Variants in CMIP observed in about 807,000 individuals in gnomAD.
CMIP encodes c-Maf inducing protein.
In CMIP, 13 loss-of-function variants were observed where a neutral mutation model predicts 97.3. The observed-to-expected ratio is 0.13, with a 90% CI of 0.09 to 0.21. CMIP has a LOEUF of 0.21. Among genes scored for constraint, CMIP ranks in the 10% least tolerant of loss-of-function variants. CMIP has a pLI of 1.00. For missense variants in CMIP, 847 were observed against 1,024.9 expected (o/e 0.83, Z 2.37); for synonymous variants, 538 against 436.3 (o/e 1.23, Z -2.91).
chr16:81,591,950 G>T lies in CMIP; in HGVS notation c.301-15617G>T, dbSNP rs571519901. Among the ~76,000 whole-genome samples the T allele has an allele frequency of 4.3e-3, 654 of 151,230 alleles. 3 individuals carry two copies. The highest frequency in any genetic ancestry group is 0.027 in the Middle Eastern group (8 of 292). ...AGTATCCTCCTGCCTCAGCCTCCCA[G>T]GTAGCTGGGATTACAGGCGCCTGCC... On this transcript the variant is annotated intron_variant, in intron 1 of 20. Coordinates refer to ENST00000537098, the MANE Select transcript of CMIP (RefSeq NM_198390.3).
chr16:81,465,544 C>A (rs1485787368), intron 1 of CMIP, among the ~76,000 whole-genome samples: 1 of 152,228 alleles, frequency 6.6e-6, no homozygotes, highest in East Asian at 1.9e-4. Flanking sequence ...GGCTGCCTCG[C>A]ACAATGCCTG....
At chr16:81,572,868 C>G (rs2091118967) in intron 1 of CMIP, among the ~76,000 whole-genome samples, 1 of 152,204 alleles carries the variant, frequency 6.6e-6, no homozygotes, top group Non-Finnish European at 1.5e-5. Context: ...GCACCAGCAT[C>G]AGTCCTGCCT....
At chr16:81,588,275 C>T (rs1175228391) in intron 1 of CMIP, among the ~76,000 whole-genome samples, 1 of 152,184 alleles carries the variant, frequency 6.6e-6, no homozygotes, top group Admixed American at 6.5e-5. Context: ...AAAAAGTACC[C>T]AAGTCTGTCT....
intron 1 of CMIP, among the ~76,000 whole-genome samples, chr16:81,485,029 C>G (rs539957769): frequency 2.6e-5 from 4 of 152,180 alleles, no homozygotes; most frequent in African/African-American, 9.6e-5. Flanking sequence ...ATTGGAATTA[C>G]TTGAGGAGCT....
At chr16:81,471,509 T>C (rs892542827) in intron 1 of CMIP, among the ~76,000 whole-genome samples, 1 of 152,074 alleles carries the variant, frequency 6.6e-6, no homozygotes, top group Non-Finnish European at 1.5e-5. Context: ...CATATACACA[T>C]GTGCAGACAT....
At chr16:81,545,106 C>T (rs1169017706) in intron 1 of CMIP, among the ~76,000 whole-genome samples, 3 of 152,172 alleles carry the variant, frequency 2.0e-5, no homozygotes, top group African/African-American at 7.2e-5. Flanking sequence ...GCCAGGCCCA[C>T]AGCCAGGGTT....
chr16:81,527,471 C>G (rs996907665), intron 1 of CMIP, among the ~76,000 whole-genome samples: 1 of 152,108 alleles, frequency 6.6e-6, no homozygotes, highest in Admixed American at 6.5e-5. Context: ...TGAAGTATTA[C>G]TTACTTTCAA....
intron 1 of CMIP, among the ~76,000 whole-genome samples, chr16:81,475,653 C>G (rs574818062): frequency 6.6e-6 from 1 of 152,316 alleles, no homozygotes; most frequent in Non-Finnish European, 1.5e-5. Context: ...CAGAGGGGTG[C>G]TCTCCTGAGC....
chr16:81,492,054 A>G (rs1567542023), intron 1 of CMIP, among the ~76,000 whole-genome samples: 1 of 152,166 alleles, frequency 6.6e-6, no homozygotes. Context: ...GCCACAGTGA[A>G]TATCTGCGTG....
chr16:81,501,240 G>A (rs759891120), intron 1 of CMIP, among the ~76,000 whole-genome samples: 2 of 152,224 alleles, frequency 1.3e-5, no homozygotes, highest in African/African-American at 2.4e-5. Context: ...TTCTGAGATC[G>A]AGTAATTTGG....
chr16:81,620,602 CAAGTCAGCAGTGTCTG>C (rs1295661404), intron 2 of CMIP: 2 of 390,712 alleles, frequency 5.1e-6, no homozygotes, highest in Non-Finnish European at 4.8e-6. Flanking sequence ...TTAAAGCTCT[CAAGTCAGCAGTGTCTG>C]AAGTCACTCA....
chr16:81,480,820 G>A (rs1001381497), intron 1 of CMIP, among the ~76,000 whole-genome samples: 6 of 152,212 alleles, frequency 3.9e-5, no homozygotes, highest in Admixed American at 2.6e-4. Context: ...GGAAAGGACG[G>A]GGGTGGTTTG....
intron 8 of CMIP, among the ~76,000 whole-genome samples, chr16:81,671,633 A>G (rs2092683770): frequency 6.6e-6 from 1 of 152,226 alleles, no homozygotes; most frequent in South Asian, 2.1e-4. Flanking sequence ...ACTGTACCCC[A>G]ACTGAGGAGG....
intron 2 of CMIP, among the ~76,000 whole-genome samples, chr16:81,608,131 A>G (rs76510187): frequency 0.1 from 15,962 of 152,264 alleles, 983 homozygotes; most frequent in Middle Eastern, 0.19. Context: ...TTTGAGGCTG[A>G]TAGAAGTATA....
At chr16:81,578,126 C>CCAT (rs1425702684) in intron 1 of CMIP, among the ~76,000 whole-genome samples, 30 of 152,002 alleles carry the variant, frequency 2.0e-4, no homozygotes, top group African/African-American at 7.3e-4. Context: ...ATCACTATCA[C>CCAT]CATCACCATC....
rs1343200275 is a variant in CMIP, at chr16:81,521,127, A to G, written c.300+75586A>G. Reference sequence around the variant, plus strand: ...TGAGGAACAGGAGGAGGGCTTTTATACCAAAAAATGGATTGTTCTGGAAGG... The same window carrying G: ...TGAGGAACAGGAGGAGGGCTTTTATGCCAAAAAATGGATTGTTCTGGAAGG... On this transcript the variant is annotated intron_variant, in intron 1 of 20. Coordinates refer to ENST00000537098, the MANE Select transcript of CMIP (RefSeq NM_198390.3). Among the ~76,000 whole-genome samples, 2 of 152,300 alleles carry G rather than the reference A, an allele frequency of 1.3e-5. 1 individual carries two copies. The highest frequency in any genetic ancestry group is 4.2e-4 in the South Asian group (2 of 4,812).
At position 81,704,055 on chromosome 16, in the gene CMIP, G is replaced by C; in HGVS notation, c.2061G>C (p.Ser687=). The C allele has an allele frequency of 6.2e-7, 1 of 1,604,780 alleles. No homozygotes were observed. Among genetic ancestry groups the C allele is most frequent in the Non-Finnish European group, 8.5e-7 (1 of 1,176,376 alleles). The change falls in exon 18 of 21, where the codon TCG becomes TCC. Residue 687 remains serine, a synonymous_variant. Coordinates refer to ENST00000537098, the MANE Select transcript of CMIP (RefSeq NM_198390.3). ...ACAEHLIKLP[S]LKQLNLWSTQ... ...CCGAGCACCTCATCAAACTGCCTTCGCTCAAGCAGCTGAACCTGTGGTCCA... is the reference window on the plus strand; with the variant it reads ...CCGAGCACCTCATCAAACTGCCTTCCCTCAAGCAGCTGAACCTGTGGTCCA...
At chr16:81,530,797 A>G (rs142639041) in intron 1 of CMIP, among the ~76,000 whole-genome samples, 1 of 152,200 alleles carries the variant, frequency 6.6e-6, no homozygotes, top group Non-Finnish European at 1.5e-5. Flanking sequence ...TTTGTGTGCT[A>G]GGCACGTACC....
chr16:81,693,143 C>G lies in CMIP; in HGVS notation c.1455-15C>G. ...CTTCTGTTAACCGCCGTGTTTTCCC[C>G]TGTTTTTGTTGCAGAGCTCTCGCAC... On this transcript the variant is annotated splice_polypyrimidine_tract_variant and intron_variant, in intron 11 of 20. Transcript: ENST00000537098. 6.2e-7 allele frequency: 1 copy of G among 1,610,966 alleles called. No homozygotes were observed. The highest frequency in any genetic ancestry group is 1.1e-5 in the South Asian group (1 of 90,898).
Sources: gnomAD v4.1 joint callset for allele counts (sites outside exome capture counted in the v4.1 genomes callset) on GRCh38, gnomAD v4.1.1 for gene constraint, MANE v1.5 for transcripts, NCBI Gene and HGNC (gene_info 2026-07-23, HGNC 2026-07-21) for gene names.